Variants in RBM39 observed in about 807,000 individuals in gnomAD.
The protein encoded by RBM39 is RNA binding motif protein 39, also known as RNA-binding protein 39.
RBM39 carries 12 observed loss-of-function variants against 79.6 expected under a neutral mutation model. The observed-to-expected ratio is 0.15, with a 90% CI of 0.10 to 0.24. The LOEUF is 0.24. RBM39 is among the 10% of genes least tolerant of loss of function. The pLI is 1.00. For missense variants in RBM39, 243 were observed against 653.4 expected (o/e 0.37, Z 6.85); for synonymous variants, 185 against 208.4 (o/e 0.89, Z 0.97).
intron 8 of RBM39, 101 bp from the exon 9 acceptor site, chr20:35,721,978 A>C (rs1235862481): frequency 3.0e-6 from 4 of 1,344,100 alleles, no homozygotes; most frequent in East Asian, 4.6e-5. Flanking sequence ...TAGAGTGATA[A>C]AAATACTACC....
chr20:35,727,357 AAAAAAT>A (rs1158786045), intron 6 of RBM39, among the ~76,000 whole-genome samples: 2 of 151,476 alleles, frequency 1.3e-5, no homozygotes, highest in Non-Finnish European at 2.9e-5. Context: ...CTCAAAAAAT[AAAAAAT>A]AAAAATAAAA....
chr20:35,741,030 C>CTTTTTTTCTTTT (rs2040450034), intron 1 of RBM39, 143 bp from the exon 2 acceptor site: 2 of 127,302 alleles, frequency 1.6e-5, no homozygotes, highest in East Asian at 2.8e-4. Context: ...AAACATTTTT[C>CTTTTTTTCTTTT]TTTTTTTTTT....
rs1569011647 is a variant in RBM39 at position 35,716,733 on chromosome 20, TA to T, written c.891+6del. On this transcript the variant is annotated splice_donor_region_variant and intron_variant, in intron 10 of 16. Coordinates refer to ENST00000253363, the MANE Select transcript of RBM39 (RefSeq NM_184234.3). The stretch of plus-strand genomic sequence containing the variant: ...CCCTAAGTAATATAATTATGGTAAT[TA>T]CTTACTGTAATAAATCCATATCCCT... 32 of 1,533,646 alleles carry T rather than the reference TA, an allele frequency of 2.1e-5. No homozygotes were observed. Among genetic ancestry groups the T allele is most frequent in the Non-Finnish European group, 2.9e-5 (32 of 1,118,780 alleles).
Position 35,738,050 on chromosome 20 carries a change from G to A in RBM39, c.101+918C>T, listed in dbSNP as rs578136983. ...CGCGCGCCTGTAGTCCCAGCTAATC[G>A]GAGGCTGAGGCAGGGGAATCACTTG... On this transcript the variant is annotated intron_variant, in intron 3 of 16. Transcript: ENST00000253363. Among the ~76,000 whole-genome samples, 11 of 151,728 alleles carry A rather than the reference G, an allele frequency of 7.2e-5. No homozygotes were observed. In the East Asian group the frequency reaches 9.7e-4, roughly 13 times the overall value.
chr20:35,724,432 T>TAAAAAAAAAAA (rs74980478), intron 8 of RBM39, 138 bp downstream of exon 8: 1 of 554,590 alleles, frequency 1.8e-6, no homozygotes, highest in Non-Finnish European at 2.7e-6. Context: ...AACGCAAAGT[T>TAAAAAAAAAAA]AAAAAAAAAA....
intron 7 of RBM39, 48 bp downstream of exon 7, chr20:35,724,990 C>A: frequency 4.6e-6 from 6 of 1,303,674 alleles, no homozygotes; most frequent in Non-Finnish European, 6.5e-6. Context: ...TACATGTTTT[C>A]TCTTGCAATT....
Position 35,724,738 on chromosome 20 carries a change from AGTT to A in RBM39, c.535-19_535-17del. The A allele has an allele frequency of 6.2e-7, 1 of 1,612,122 alleles. No homozygotes were observed. The highest frequency in any genetic ancestry group is 8.5e-7 in the Non-Finnish European group (1 of 1,178,390). On this transcript the variant is annotated splice_polypyrimidine_tract_variant and intron_variant, in intron 7 of 16. Coordinates refer to ENST00000253363, the MANE Select transcript of RBM39 (RefSeq NM_184234.3). ...CATCTCGAACCTAGAAAGAAAACAC[AGTT>A]GTTTGTGCAAACATCCATTGTAACA...
chr20:35,735,878 C>T (rs1044580496), intron 3 of RBM39, among the ~76,000 whole-genome samples: 2 of 152,186 alleles, frequency 1.3e-5, no homozygotes, highest in African/African-American at 4.8e-5. Flanking sequence ...TGGTTCTCTA[C>T]ATTAGACAAA....
rs2035456207 is a variant in RBM39 at position 35,704,139 on chromosome 20, AAGTT to A, written c.*338_*341del. ...ATGTGAAATGTAACCACTGTGTAAAAAGTTAGGCTTCTGAAACATTAAAAACATT... is the reference window on the plus strand; with the variant it reads ...ATGTGAAATGTAACCACTGTGTAAAAAGGCTTCTGAAACATTAAAAACATT... On this transcript the variant is annotated 3_prime_UTR_variant, in exon 17 of 17. Transcript: ENST00000253363. 2 of 172,218 alleles carry A rather than the reference AAGTT, an allele frequency of 1.2e-5. No homozygotes were observed. Among genetic ancestry groups the A allele is most frequent in the Admixed American group, 1.1e-4 (2 of 17,922 alleles). The allele number at this position is 172,218 out of a possible 1,614,324, so 10.7% of individuals were successfully genotyped here. A position where few individuals can be genotyped will look rare whatever the true frequency, so the allele number is the denominator to read the frequency against.
intron 9 of RBM39, among the ~76,000 whole-genome samples, chr20:35,718,575 G>A (rs1295864362): frequency 6.6e-6 from 1 of 151,980 alleles, no homozygotes; most frequent in Admixed American, 6.6e-5. Context: ...ACTTTGGGAG[G>A]CCGAGGAGGG....
At chr20:35,718,506 T>C (rs890815065) in intron 9 of RBM39, among the ~76,000 whole-genome samples, 3 of 151,484 alleles carry the variant, frequency 2.0e-5, no homozygotes, top group Non-Finnish European at 4.4e-5. Flanking sequence ...TGAAACCCTG[T>C]CTCTACTAAA....
chr20:35,704,379 C>T lies in RBM39; in HGVS notation c.*102G>A, dbSNP rs1044472199. On this transcript the variant is annotated 3_prime_UTR_variant, in exon 17 of 17. Transcript: ENST00000253363. ...GTAACAGGAAATTGCATACAAATGA[C>T]AGTAGATCCTTGCCTCTTTATTTTT... 3.6e-6 allele frequency: 3 copies of T among 824,228 alleles called. No homozygotes were observed. Among genetic ancestry groups the T allele is most frequent in the Non-Finnish European group, 5.7e-6 (3 of 526,760 alleles). The allele number at this position is 824,228 out of a possible 1,614,324, so 51.1% of individuals were successfully genotyped here.
At chr20:35,741,191 G>A (rs1420665373) in intron 1 of RBM39, among the ~76,000 whole-genome samples, 3 of 151,470 alleles carry the variant, frequency 2.0e-5, no homozygotes, top group South Asian at 2.1e-4. Flanking sequence ...CTGCCACCAC[G>A]CCCGGCTAAT....
At chr20:35,727,648 GTATTTTTTT>G (rs1474451081) in intron 6 of RBM39, among the ~76,000 whole-genome samples, 1 of 134,524 alleles carries the variant, frequency 7.4e-6, no homozygotes. Context: ...GCTAATTTTT[GTATTTTTTT>G]TTTTTTTTTG....
intron 10 of RBM39, 144 bp downstream of exon 10, chr20:35,716,596 G>A (rs1251226365): frequency 1.5e-5 from 10 of 648,834 alleles, no homozygotes; most frequent in Non-Finnish European, 2.7e-5. Flanking sequence ...GGACACAGAG[G>A]CTCAGTCCTG....
intron 10 of RBM39, among the ~76,000 whole-genome samples, chr20:35,714,739 T>C (rs1600437147): frequency 6.6e-6 from 1 of 152,118 alleles, no homozygotes; most frequent in South Asian, 2.1e-4. Flanking sequence ...CCACCTGAGG[T>C]AGAATTTAGT....
intron 8 of RBM39, among the ~76,000 whole-genome samples, chr20:35,722,888 C>T (rs908822683): frequency 8.0e-5 from 12 of 150,570 alleles, no homozygotes; most frequent in African/African-American, 2.7e-4. Context: ...GAGCCAAGAT[C>T]GCCCCACTGC....
intron 12 of RBM39, among the ~76,000 whole-genome samples, chr20:35,712,775 CTT>C (rs1412308762): frequency 1.3e-5 from 2 of 152,010 alleles, no homozygotes; most frequent in Non-Finnish European, 2.9e-5. Context: ...TGAAAATAAA[CTT>C]ATGTCAATGA....
chr20:35,716,238 T>C (rs2037112364), intron 10 of RBM39, among the ~76,000 whole-genome samples: 1 of 152,130 alleles, frequency 6.6e-6, no homozygotes, highest in Non-Finnish European at 1.5e-5. Flanking sequence ...CATGCTTGGC[T>C]AATTTTTGTA....
Sources: allele counts gnomAD v4.1 joint callset (sites outside exome capture counted in the v4.1 genomes callset), GRCh38; gene constraint gnomAD v4.1.1; transcripts MANE v1.5; gene names NCBI Gene and HGNC (gene_info 2026-07-23, HGNC 2026-07-21).